The following CSMD2 variants were observed in gnomAD, a reference collection of about 807,000 sequenced individuals.
CSMD2 encodes the protein CUB and Sushi multiple domains 2, also known as CUB and sushi domain-containing protein 2.
In CSMD2, 130 loss-of-function variants were observed where a neutral mutation model predicts 398.5. The ratio of observed to expected loss-of-function variants is 0.33; its 90% confidence interval spans 0.28 to 0.38. The LOEUF is 0.38. CSMD2 is among the 10% of genes least tolerant of loss of function. The pLI, the probability that CSMD2 is intolerant of heterozygous loss-of-function variation, is 1.00. For synonymous variants in CSMD2, 1,828 were observed against 1,908.5 expected, an observed-to-expected ratio of 0.96 and a Z score of 1.10; for missense variants, 3,829 against 4,764.9, an observed-to-expected ratio of 0.80 and a Z score of 5.78.
At chr1:33,845,862 G>T (rs2125075854) in intron 6 of CSMD2, among the ~76,000 whole-genome samples, 1 of 152,346 alleles carries the variant, frequency 6.6e-6, no homozygotes, top group East Asian at 1.9e-4. Flanking sequence ...TGTGGAGGGG[G>T]CACTACTCTG....
chr1:34,145,374 G>A (rs1639674443), intron 1 of CSMD2, among the ~76,000 whole-genome samples: 1 of 152,236 alleles, frequency 6.6e-6, no homozygotes, highest in African/African-American at 2.4e-5. Flanking sequence ...CTGCATGCCT[G>A]CTTCTTTGAG....
intron 22 of CSMD2, among the ~76,000 whole-genome samples, chr1:33,706,184 G>C (rs574500705): frequency 6.6e-6 from 1 of 151,902 alleles, no homozygotes; most frequent in African/African-American, 2.4e-5. Flanking sequence ...CATTTCCAGC[G>C]GTTTTTATTT....
chr1:34,068,597 T>G (rs1255303920), intron 2 of CSMD2, among the ~76,000 whole-genome samples: 1 of 152,232 alleles, frequency 6.6e-6, no homozygotes, highest in Non-Finnish European at 1.5e-5. Flanking sequence ...TTAAACATTT[T>G]TTATGCTGCA....
Position 33,875,092 on chromosome 1 carries a change from C to T in CSMD2, c.921-28096G>A, listed in dbSNP as rs538326915. Among the ~76,000 whole-genome samples, 47 of 152,340 alleles carry T rather than the reference C, an allele frequency of 3.1e-4. No homozygotes were observed. In the South Asian group the frequency reaches 9.8e-3, roughly 32 times the overall value. On this transcript the variant is annotated intron_variant, in intron 5 of 70. Transcript: ENST00000373381. The stretch of plus-strand genomic sequence containing the variant: ...GCTCATCTAGCCCCCACTCCCACCC[C>T]TCTATGCTGTCTAAATACCCTGAGA...
At chr1:34,156,845 A>G (rs1275465370) in intron 1 of CSMD2, among the ~76,000 whole-genome samples, 2 of 152,146 alleles carry the variant, frequency 1.3e-5, no homozygotes, top group East Asian at 3.9e-4. Context: ...TGAAAGACAA[A>G]TTCAGTTTAA....
intron 10 of CSMD2, among the ~76,000 whole-genome samples, chr1:33,807,609 G>GA (rs200511478): frequency 0.022 from 3,329 of 152,088 alleles, 54 homozygotes; most frequent in Middle Eastern, 0.044. Context: ...AATAACTTGA[G>GA]AAAAAATTAA....
At chr1:33,877,123 T>C (rs575334542) in intron 5 of CSMD2, among the ~76,000 whole-genome samples, 7 of 152,302 alleles carry the variant, frequency 4.6e-5, no homozygotes, top group East Asian at 3.9e-4. Flanking sequence ...AGAAGGCAAA[T>C]GGCTGCTGAG....
chr1:34,025,292 G>C (rs1353333043), intron 3 of CSMD2, among the ~76,000 whole-genome samples: 1 of 152,168 alleles, frequency 6.6e-6, no homozygotes, highest in Non-Finnish European at 1.5e-5. Context: ...ACACTAAGTG[G>C]AGCATGTCTT....
At chr1:33,808,668 T>C (rs1320545104) in intron 10 of CSMD2, among the ~76,000 whole-genome samples, 1 of 151,822 alleles carries the variant, frequency 6.6e-6, no homozygotes, top group Admixed American at 6.6e-5. Context: ...AGCATCAAAA[T>C]TAAGATGCTA....
At position 33,625,105 on chromosome 1, in the gene CSMD2, G is replaced by A; in HGVS notation, c.5446C>T (p.Leu1816Phe). The change falls in exon 34 of 71, where the codon CTC becomes TTC. Residue 1816 changes from leucine to phenylalanine, a missense_variant. Coordinates refer to ENST00000373381, the MANE Select transcript of CSMD2 (RefSeq NM_001281956.2). Reference protein sequence around the residue: ...ALQGSPEIECLPVPGALAQWN... With the variant: ...ALQGSPEIECFPVPGALAQWN... ...TGGGCCAAGGCCCCAGGCACAGGGA[G>A]GCACTCGATCTCTGGCGACCCCTGC... The A allele has an allele frequency of 6.2e-7, 1 of 1,614,102 alleles. No individual in the cohort carries two copies. Among genetic ancestry groups the A allele is most frequent in the African/African-American group, 1.3e-5 (1 of 75,060 alleles).
intron 25 of CSMD2, among the ~76,000 whole-genome samples, chr1:33,688,997 G>C (rs1645145366): frequency 6.6e-6 from 1 of 151,850 alleles, no homozygotes; most frequent in Admixed American, 6.6e-5. Context: ...GTGTGTGTGT[G>C]TTGGGGGTTG....
chr1:33,738,879 T>C (rs1220409606), intron 15 of CSMD2, among the ~76,000 whole-genome samples: 3 of 152,190 alleles, frequency 2.0e-5, no homozygotes, highest in Non-Finnish European at 2.9e-5. Context: ...GAGTTCTCAT[T>C]TGAAAGAAGA....
chr1:34,165,735 C>G (rs1364238888), upstream of CSMD2: 10 of 1,613,722 alleles, frequency 6.2e-6, no homozygotes, highest in South Asian at 9.9e-5. Context: ...TTCCCCAAGT[C>G]TTGGCTCTTA....
At chr1:33,723,822 T>G (rs1646437008) in intron 19 of CSMD2, among the ~76,000 whole-genome samples, 1 of 152,188 alleles carries the variant, frequency 6.6e-6, no homozygotes, top group African/African-American at 2.4e-5. Context: ...TGATAGTAGG[T>G]GCCCATCTGT....
rs375305725 is a variant in CSMD2, at chr1:34,081,958, C to T, written c.404+7019G>A. Reference sequence around the variant, plus strand: ...GCCACCCCGTCTAGGAAGTGAGGAGCGTCTCTAACTGGCCGCCCATCGTCT... The same window carrying T: ...GCCACCCCGTCTAGGAAGTGAGGAGTGTCTCTAACTGGCCGCCCATCGTCT... On this transcript the variant is annotated intron_variant, in intron 2 of 70. Transcript: ENST00000373381. Among the ~76,000 whole-genome samples, 152 of 151,564 alleles carry T rather than the reference C, an allele frequency of 1.0e-3. 1 individual carries two copies. The highest frequency in any genetic ancestry group is 3.5e-3 in the African/African-American group (144 of 41,246).
chr1:33,950,319 C>A (rs149133467), intron 3 of CSMD2, among the ~76,000 whole-genome samples: 4 of 151,590 alleles, frequency 2.6e-5, no homozygotes, highest in Non-Finnish European at 4.4e-5. Context: ...TCCAACTGTA[C>A]GTACCCGTCT....
intron 28 of CSMD2, among the ~76,000 whole-genome samples, chr1:33,648,581 T>G (rs1249807188): frequency 6.6e-6 from 1 of 152,184 alleles, no homozygotes; most frequent in African/African-American, 2.4e-5. Context: ...TTCTTTTTTA[T>G]GGATGCTCCA....
At chr1:34,000,718 G>T (rs1646874659) in intron 3 of CSMD2, among the ~76,000 whole-genome samples, 1 of 152,186 alleles carries the variant, frequency 6.6e-6, no homozygotes, top group Admixed American at 6.5e-5. Context: ...ATAGACCTCA[G>T]AGGGAATTGT....
intron 25 of CSMD2, among the ~76,000 whole-genome samples, chr1:33,683,775 T>C (rs544169574): frequency 6.6e-6 from 1 of 152,362 alleles, no homozygotes; most frequent in South Asian, 2.1e-4. Flanking sequence ...AAAAAATGTG[T>C]ACATTCCTTT....
Sources: allele counts gnomAD v4.1 joint callset (sites outside exome capture counted in the v4.1 genomes callset), GRCh38; gene constraint gnomAD v4.1.1; transcripts MANE v1.5; gene names NCBI Gene and HGNC (gene_info 2026-07-23, HGNC 2026-07-21).